ATAD1: variants seen among roughly 807,000 people sequenced by gnomAD.
The protein encoded by ATAD1 is ATPase family AAA domain containing 1, also known as outer mitochondrial transmembrane helix translocase.
ATAD1 carries 18 observed loss-of-function variants against 42.7 expected under a neutral mutation model. That is an observed-to-expected ratio of 0.42 (90% CI 0.29 to 0.63). ATAD1 has a LOEUF of 0.63. ATAD1 is among the 20% of genes least tolerant of loss of function. The pLI is 0.19. For missense variants in ATAD1, 294 were observed against 440.4 expected (o/e 0.67, Z 2.98); for synonymous variants, 132 against 143.1 (o/e 0.92, Z 0.55).
chr10:87,761,075 A>C (rs914358786), intron 8 of ATAD1, among the ~76,000 whole-genome samples: 1 of 151,442 alleles, frequency 6.6e-6, no homozygotes, highest in Admixed American at 6.6e-5. Flanking sequence ...TGTGAATTTA[A>C]AAAAAAAACA....
At chr10:87,820,190 A>G (rs964701618), upstream of ATAD1, among the ~76,000 whole-genome samples, 1 of 152,194 alleles carries the variant, frequency 6.6e-6, no homozygotes, top group East Asian at 1.9e-4. Context: ...CCCAAGCTGA[A>G]TCATTGCTTG....
intron 8 of ATAD1, among the ~76,000 whole-genome samples, chr10:87,758,338 G>T (rs1854322441): frequency 6.6e-6 from 1 of 151,968 alleles, no homozygotes; most frequent in African/African-American, 2.4e-5. Flanking sequence ...AACCAATAGA[G>T]GAAGGGAGAA....
chr10:87,805,123 C>G (rs1856864108), intron 2 of ATAD1, among the ~76,000 whole-genome samples: 1 of 152,194 alleles, frequency 6.6e-6, no homozygotes, highest in Non-Finnish European at 1.5e-5. Context: ...ATCTGGTATA[C>G]TCAAAGTGTT....
chr10:87,820,249 C>T (rs1333407678), upstream of ATAD1, among the ~76,000 whole-genome samples: 1 of 152,030 alleles, frequency 6.6e-6, no homozygotes, highest in Non-Finnish European at 1.5e-5. Flanking sequence ...GGGAGGGTCA[C>T]TAAAGGCAAG....
intron 3 of ATAD1, among the ~76,000 whole-genome samples, chr10:87,791,044 A>G (rs1427368860): frequency 1.3e-5 from 2 of 150,126 alleles, no homozygotes; most frequent in East Asian, 3.9e-4. Context: ...AAAAAAAAAA[A>G]AAAAAAAAAA....
chr10:87,839,241 C>G (rs1857986109), intron 1 of ATAD1, among the ~76,000 whole-genome samples: 1 of 152,162 alleles, frequency 6.6e-6, no homozygotes, highest in African/African-American at 2.4e-5. Context: ...TCTTCAGTCA[C>G]CTTGACTAAA....
chr10:87,791,478 T>A (rs1189191599), intron 3 of ATAD1, among the ~76,000 whole-genome samples: 1 of 152,044 alleles, frequency 6.6e-6, no homozygotes, highest in Non-Finnish European at 1.5e-5. Flanking sequence ...ACTTTCACTG[T>A]AACAGCAACA....
At chr10:87,761,567 C>T (rs946143010) in intron 8 of ATAD1, among the ~76,000 whole-genome samples, 2 of 151,678 alleles carry the variant, frequency 1.3e-5, no homozygotes, top group African/African-American at 4.8e-5. Context: ...GGGGCTGAGG[C>T]GGGGGGATCA....
chr10:87,807,917 A>T (rs192376981), intron 2 of ATAD1, among the ~76,000 whole-genome samples: 3 of 152,282 alleles, frequency 2.0e-5, no homozygotes, highest in African/African-American at 4.8e-5. Flanking sequence ...ACAAAACGAA[A>T]ATCTGCCAGT....
chr10:87,838,500 G>C (rs1160695503), intron 1 of ATAD1, among the ~76,000 whole-genome samples: 1 of 149,638 alleles, frequency 6.7e-6, no homozygotes, highest in Non-Finnish European at 1.5e-5. Context: ...ACAAGGTGGA[G>C]TGTGCTTACT....
intron 1 of ATAD1, among the ~76,000 whole-genome samples, chr10:87,839,935 C>T (rs558734565): frequency 2.0e-5 from 3 of 152,164 alleles, no homozygotes; most frequent in Non-Finnish European, 4.4e-5. Flanking sequence ...TTGTCCTTCA[C>T]TTCATGGCCA....
At position 87,792,742 on chromosome 10, in the gene ATAD1, A is replaced by G; in HGVS notation, c.176T>C (p.Met59Thr). The change falls in exon 3 of 10, where the codon ATG (methionine) becomes ACG (threonine). Residue 59 changes from methionine (M) to threonine (T), a missense_variant. Physicochemically the swap from Met to Thr is moderately conservative, Grantham distance 81. Around this residue, in one of 3 missense-constraint regions of ATAD1, gnomAD observed 121 missense variants for 187.3 expected, o/e 0.65. Coordinates refer to ENST00000680024, the MANE Select transcript of ATAD1 (RefSeq NM_001321967.2). ...CACATTTTTCACTCCAATTTGCTTCATTAGTTTTTCTGCCTAGAATGAAAA... is the reference window on the plus strand; with the variant it reads ...CACATTTTTCACTCCAATTTGCTTCGTTAGTTTTTCTGCCTAGAATGAAAA... ...VEAQKQAEKL[M>T]KQIGVKNVKL... is the part of the protein sequence containing the mutation. 6.2e-7 allele frequency: 1 copy of G among 1,613,834 alleles called. No homozygotes were observed. Among genetic ancestry groups the G allele is most frequent in the Non-Finnish European group, 8.5e-7 (1 of 1,179,850 alleles).
At chr10:87,756,645 T>C (rs1443494992) in intron 9 of ATAD1, 144 bp downstream of exon 9, 1 of 711,820 alleles carries the variant, frequency 1.4e-6, no homozygotes, top group Non-Finnish European at 2.0e-6. Flanking sequence ...AAAATGGCAA[T>C]AAATAAAGTT....
intron 4 of ATAD1, among the ~76,000 whole-genome samples, chr10:87,788,536 C>T (rs1855941779): frequency 3.9e-5 from 6 of 152,162 alleles, no homozygotes; most frequent in Admixed American, 2.6e-4. Context: ...TTGGACAATG[C>T]TTTCAAATAA....
intron 1 of ATAD1, among the ~76,000 whole-genome samples, chr10:87,832,527 T>C (rs1857851804): frequency 6.6e-6 from 1 of 152,144 alleles, no homozygotes; most frequent in Admixed American, 6.5e-5. Flanking sequence ...TCTAGCTTTA[T>C]AGTACAACCT....
In ATAD1 at chr10:87,754,600, A is replaced by G. The variant is rs539567774; in HGVS notation, c.*87T>C. The stretch of plus-strand genomic sequence containing the variant: ...TAAACACTGAGCTCCCTCATTGTTT[A>G]AAGAGCACTCTTTCCGTTCTATTTC... On this transcript the variant is annotated 3_prime_UTR_variant, in exon 10 of 10. Coordinates refer to ENST00000680024, the MANE Select transcript of ATAD1 (RefSeq NM_001321967.2). 4.9e-6 allele frequency: 7 copies of G among 1,441,906 alleles called. No homozygotes were observed. The African/African-American group carries it at 8.4e-5, about 17-fold the overall frequency. 89.3% of individuals were successfully genotyped at this position (1,441,906 alleles called of 1,614,324 possible). A position where few individuals can be genotyped will look rare whatever the true frequency, so the allele number is the denominator to read the frequency against.
chr10:87,805,654 A>T (rs1027437771), intron 2 of ATAD1, among the ~76,000 whole-genome samples: 13 of 151,852 alleles, frequency 8.6e-5, no homozygotes, highest in African/African-American at 3.1e-4. Flanking sequence ...CTACCCTAAA[A>T]ATGTTCCCAT....
At chr10:87,765,063 A>T (rs895976208) in intron 8 of ATAD1, among the ~76,000 whole-genome samples, 1 of 148,936 alleles carries the variant, frequency 6.7e-6, no homozygotes, top group Non-Finnish European at 1.5e-5. Context: ...AGGCTAGGTT[A>T]AAAAAAAAGA....
At position 87,756,863 on chromosome 10, in the gene ATAD1, A is replaced by G; in HGVS notation, c.891T>C (p.Ser297=). Residue 297 remains serine, a synonymous_variant, in exon 9 of 10, where the codon AGT becomes AGC. Transcript: ENST00000680024. ...VAQETDGFSG[S]DLKEMCRDAA... ...CATCTCGACACATCTCTTTTAGGTC[A>G]CTTCCTGAAAACCCATCAGTTTCCT... The G allele has an allele frequency of 6.2e-7, 1 of 1,612,672 alleles. No homozygotes were observed. Among genetic ancestry groups the G allele is most frequent in the South Asian group, 1.1e-5 (1 of 90,854 alleles).
Sources: allele counts gnomAD v4.1 joint callset (sites outside exome capture counted in the v4.1 genomes callset), GRCh38; gene constraint gnomAD v4.1.1; regional missense constraint gnomAD v4.1.1; transcripts MANE v1.5; gene names NCBI Gene and HGNC (gene_info 2026-07-23, HGNC 2026-07-21).